PHYHIPL: variants seen among roughly 807,000 people sequenced by gnomAD.
PHYHIPL encodes phytanoyl-CoA 2-hydroxylase interacting protein like, also known as phytanoyl-CoA hydroxylase-interacting protein-like.
PHYHIPL carries 9 observed loss-of-function variants against 33.4 expected under a neutral mutation model. The observed-to-expected ratio is 0.27, with a 90% CI of 0.16 to 0.47. PHYHIPL has a LOEUF of 0.47. PHYHIPL is among the 20% of genes least tolerant of loss of function. The pLI is 0.99. For missense variants in PHYHIPL, 365 were observed against 460.7 expected, an observed-to-expected ratio of 0.79 and a Z score of 1.90; for synonymous variants, 153 against 154.1, an observed-to-expected ratio of 0.99 and a Z score of 0.05.
chr10:59,215,076 C>A (rs911756621), intron 1 of PHYHIPL, among the ~76,000 whole-genome samples: 4 of 151,968 alleles, frequency 2.6e-5, no homozygotes, highest in Non-Finnish European at 5.9e-5. Context: ...AATGATAAAA[C>A]AAAATCATTA....
chr10:59,225,972 A>T (rs985203240), intron 1 of PHYHIPL, among the ~76,000 whole-genome samples: 8 of 152,140 alleles, frequency 5.3e-5, no homozygotes, highest in African/African-American at 1.9e-4. Context: ...GGTGGAGGAA[A>T]ATTTACCAAT....
At chr10:59,208,010 A>G (rs991508188) in intron 1 of PHYHIPL, among the ~76,000 whole-genome samples, 3 of 152,106 alleles carry the variant, frequency 2.0e-5, no homozygotes, top group Non-Finnish European at 1.5e-5. Context: ...ATAGACTTAA[A>G]TGTTCCTGCC....
intron 1 of PHYHIPL, among the ~76,000 whole-genome samples, chr10:59,232,535 T>C (rs1409994643): frequency 6.6e-6 from 1 of 151,994 alleles, no homozygotes; most frequent in Non-Finnish European, 1.5e-5. Flanking sequence ...ACTTTAAGGT[T>C]GAAGAAGATA....
intron 1 of PHYHIPL, among the ~76,000 whole-genome samples, chr10:59,187,803 G>A (rs1438689678): frequency 1.3e-5 from 2 of 152,012 alleles, no homozygotes; most frequent in East Asian, 1.9e-4. Flanking sequence ...TGTGGGATCG[G>A]CAGTGATATC....
At chr10:59,197,383 C>G (rs576581041) in intron 1 of PHYHIPL, among the ~76,000 whole-genome samples, 2 of 152,152 alleles carry the variant, frequency 1.3e-5, no homozygotes, top group African/African-American at 4.8e-5. Context: ...AAACCTTAAA[C>G]CTTAATTCAA....
At chr10:59,237,897 A>G (rs1174823564) in intron 3 of PHYHIPL, among the ~76,000 whole-genome samples, 2 of 151,950 alleles carry the variant, frequency 1.3e-5, no homozygotes, top group Admixed American at 6.6e-5. Context: ...CTAATTTTGC[A>G]TAGTACCTTT....
At chr10:59,186,078 C>A (rs1375156685) in intron 1 of PHYHIPL, among the ~76,000 whole-genome samples, 1 of 152,128 alleles carries the variant, frequency 6.6e-6, no homozygotes, top group South Asian at 2.1e-4. Flanking sequence ...GGGTTTTCTT[C>A]TAGGGTTTTT....
intron 1 of PHYHIPL, among the ~76,000 whole-genome samples, chr10:59,190,825 T>C (rs906239878): frequency 6.6e-5 from 10 of 151,870 alleles, no homozygotes; most frequent in Non-Finnish European, 1.3e-4. Context: ...AAGTTTGGTA[T>C]GAAAAATGAG....
chr10:59,190,765 G>T (rs1267478476), intron 1 of PHYHIPL, among the ~76,000 whole-genome samples: 1 of 151,694 alleles, frequency 6.6e-6, no homozygotes, highest in Non-Finnish European at 1.5e-5. Flanking sequence ...TTTAGAAAGT[G>T]TTTCTTGTTT....
intron 1 of PHYHIPL, among the ~76,000 whole-genome samples, chr10:59,208,667 T>C (rs1387526466): frequency 6.6e-6 from 1 of 152,006 alleles, no homozygotes; most frequent in East Asian, 1.9e-4. Context: ...GCAAGGAAGC[T>C]AAGAACCTTG....
rs370996858 is a variant in PHYHIPL, at chr10:59,203,538, C to G, written c.106+26579C>G. Among the ~76,000 whole-genome samples the G allele has an allele frequency of 2.6e-5, 4 of 151,846 alleles. No individual in the cohort carries two copies. The East Asian group carries it at 5.8e-4, about 22-fold the overall frequency. On this transcript the variant is annotated intron_variant, in intron 1 of 4. Transcript: ENST00000373880. ...AACCCAAATGTCCATCAATGATAGA[C>G]TGGATTAAGAAAATGTGGCACATAT...
At position 59,234,286 on chromosome 10, in the gene PHYHIPL, T is replaced by C. The variant is rs200524175; in HGVS notation, c.107-18T>C. On this transcript the variant is annotated intron_variant, in intron 1 of 4. Coordinates refer to ENST00000373880, the MANE Select transcript of PHYHIPL (RefSeq NM_032439.4). Reference sequence around the variant, plus strand: ...CCATTAATTGGAAATTAACTTCCTGTGCATTGTTTTCTTGCAGGGAACAAA... The same window carrying C: ...CCATTAATTGGAAATTAACTTCCTGCGCATTGTTTTCTTGCAGGGAACAAA... 6.6e-6 allele frequency: 10 copies of C among 1,525,858 alleles called. No homozygotes were observed. Among genetic ancestry groups the C allele is most frequent in the Non-Finnish European group, 7.9e-6 (9 of 1,146,478 alleles). 94.5% of individuals were successfully genotyped at this position (1,525,858 alleles called of 1,614,324 possible).
At chr10:59,198,298 C>T (rs1206653079) in intron 1 of PHYHIPL, among the ~76,000 whole-genome samples, 8 of 151,556 alleles carry the variant, frequency 5.3e-5, no homozygotes, top group Admixed American at 6.6e-5. Context: ...TGAGAACATG[C>T]GGTGTTTGGT....
upstream of PHYHIPL, chr10:59,176,622 C>G (rs1028852467): frequency 4.1e-5 from 15 of 369,640 alleles, no homozygotes; most frequent in African/African-American, 3.0e-4. Flanking sequence ...CATCCTCGCG[C>G]CGGGTCCTGC....
chr10:59,222,106 T>C (rs1043056548), intron 1 of PHYHIPL, among the ~76,000 whole-genome samples: 2 of 152,030 alleles, frequency 1.3e-5, no homozygotes, highest in African/African-American at 2.4e-5. Context: ...CATAAAACTT[T>C]CTTGAAAAAT....
At chr10:59,234,649 C>G in intron 2 of PHYHIPL, 149 bp downstream of exon 2, 1 of 454,072 alleles carries the variant, frequency 2.2e-6, no homozygotes, top group Admixed American at 4.5e-5. Context: ...CTCTAAAACC[C>G]TATCATTCTA....
At chr10:59,180,781 T>G (rs2133177444) in intron 1 of PHYHIPL, among the ~76,000 whole-genome samples, 2 of 152,328 alleles carry the variant, frequency 1.3e-5, no homozygotes, top group East Asian at 1.9e-4. Flanking sequence ...AAGACCTCAC[T>G]TATGTTATTG....
intron 1 of PHYHIPL, among the ~76,000 whole-genome samples, chr10:59,189,473 G>A (rs1015852478): frequency 1.3e-5 from 2 of 151,954 alleles, no homozygotes; most frequent in Non-Finnish European, 2.9e-5. Flanking sequence ...CTTGTTCAAT[G>A]ATTAATTTAT....
chr10:59,245,510 T>TGC lies in PHYHIPL; in HGVS notation c.1050_1051insGC (p.His351AlafsTer5). On this transcript the variant is annotated frameshift_variant, in exon 5 of 5. Transcript: ENST00000373880. LOFTEE classifies it high-confidence loss of function. ...TGGGCACCGTGGCAGAAATCACTGG[T>TGC]CATCAGCTCATGAGTTTGTCTACTG... 6.2e-7 allele frequency: 1 copy of TGC among 1,614,154 alleles called. No individual in the cohort carries two copies. Among genetic ancestry groups the TGC allele is most frequent in the Non-Finnish European group, 8.5e-7 (1 of 1,180,004 alleles).
Sources: gnomAD v4.1 joint callset for allele counts (sites outside exome capture counted in the v4.1 genomes callset) on GRCh38, gnomAD v4.1.1 for gene constraint, MANE v1.5 for transcripts, NCBI Gene and HGNC (gene_info 2026-07-23, HGNC 2026-07-21) for gene names.